Variants in SCAMP4 observed in about 807,000 individuals in gnomAD.
The protein encoded by SCAMP4 is secretory carrier membrane protein 4.
SCAMP4 carries 19 observed loss-of-function variants against 32.1 expected under a neutral mutation model. That is an observed-to-expected ratio of 0.59 (90% CI 0.41 to 0.87). The LOEUF is 0.87. Among genes scored for constraint, SCAMP4 ranks in the 40% least tolerant of loss-of-function variants. SCAMP4 has a pLI of 0.00. For synonymous variants in SCAMP4, 152 were observed against 132.7 expected, an observed-to-expected ratio of 1.15 and a Z score of -1.00; for missense variants, 302 against 309.0, an observed-to-expected ratio of 0.98 and a Z score of 0.17.
intron 1 of SCAMP4, among the ~76,000 whole-genome samples, chr19:1,914,353 C>G (rs956845267): frequency 3.3e-5 from 5 of 152,248 alleles, no homozygotes; most frequent in Admixed American, 3.3e-4. Context: ...GAGGCAGCTC[C>G]TGGCCCCGTG....
Position 1,908,479 on chromosome 19 carries a change from C to CCTGTCTG in SCAMP4, c.-42+3042_-42+3048dup, listed in dbSNP as rs1568760172. 2.1e-6 allele frequency: 1 copy of CCTGTCTG among 470,992 alleles called. No individual in the cohort carries two copies. Among genetic ancestry groups the CCTGTCTG allele is most frequent in the Non-Finnish European group, 4.4e-6 (1 of 227,000 alleles). The allele number at this position is 470,992 out of a possible 1,614,324, so 29.2% of individuals were successfully genotyped here. A position where few individuals can be genotyped will look rare whatever the true frequency, so the allele number is the denominator to read the frequency against. On this transcript the variant is annotated intron_variant, in intron 1 of 6. Transcript: ENST00000316097. The surrounding 1 kb of genome is among the most constrained non-coding windows in gnomAD (Gnocchi z 4.2). Reference sequence around the variant, plus strand: ...CTGCGAAATGATCCAGAGACACATCCCTGTCTGCGGGAGGAGCCGTCCATA... The same window carrying CCTGTCTG: ...CTGCGAAATGATCCAGAGACACATCCCTGTCTGCTGTCTGCGGGAGGAGCCGTCCATA...
rs549337751 is a variant in SCAMP4 at position 1,920,198 on chromosome 19, C to T, written c.395+1208C>T. The T allele has an allele frequency of 2.4e-5, 24 of 985,308 alleles. No individual in the cohort carries two copies. The African/African-American group carries it at 3.0e-4, about 12-fold the overall frequency. The allele number at this position is 985,308 out of a possible 1,614,324, so 61.0% of individuals were successfully genotyped here. On this transcript the variant is annotated intron_variant, in intron 5 of 6. Coordinates refer to ENST00000316097, the MANE Select transcript of SCAMP4 (RefSeq NM_079834.4). ...GAGTGACTGTTCTCGCCCACGTCCC[C>T]GACGTGTCTCCCTTGTCCTTGGCAC...
At chr19:1,915,115 G>A in intron 2 of SCAMP4, 89 bp downstream of exon 2, 1 of 1,520,550 alleles carries the variant, frequency 6.6e-7, no homozygotes, top group Non-Finnish European at 9.1e-7. Context: ...CCTGGCCGTT[G>A]GCAAACAGTG....
chr19:1,912,629 G>T lies in SCAMP4; in HGVS notation c.-41-2350G>T, dbSNP rs1401456236. On this transcript the variant is annotated intron_variant, in intron 1 of 6. Transcript: ENST00000316097. ...GCGCCGCCATGCAGAGCCACATGGA[G>T]CGGGCGGTGTGGGCGGCCCGGCGGG... 5.5e-6 allele frequency: 8 copies of T among 1,450,322 alleles called. No individual in the cohort carries two copies. Among genetic ancestry groups the T allele is most frequent in the Admixed American group, 5.6e-5 (2 of 35,744 alleles). The allele number at this position is 1,450,322 out of a possible 1,614,324, so 89.8% of individuals were successfully genotyped here.
At position 1,914,963 on chromosome 19, in the gene SCAMP4, G is replaced by A; in HGVS notation, c.-41-16G>A. On this transcript the variant is annotated splice_polypyrimidine_tract_variant and intron_variant, in intron 1 of 6. Transcript: ENST00000316097. ...GGCAGCTCAGGGTTCCCTGACTGTGGTTGTCTTCCTTCCAGGCGGCTGCAG... is the reference window on the plus strand; with the variant it reads ...GGCAGCTCAGGGTTCCCTGACTGTGATTGTCTTCCTTCCAGGCGGCTGCAG... 2 of 1,612,540 alleles carry A rather than the reference G, an allele frequency of 1.2e-6. No individual in the cohort carries two copies. Among genetic ancestry groups the A allele is most frequent in the Non-Finnish European group, 1.7e-6 (2 of 1,178,606 alleles).
intron 6 of SCAMP4, among the ~76,000 whole-genome samples, chr19:1,923,662 A>G (rs1041653366): frequency 8.7e-6 from 1 of 115,446 alleles, no homozygotes; most frequent in Non-Finnish European, 1.6e-5. Context: ...TCTGTCACCC[A>G]GGCTGGAGTG....
chr19:1,908,246 T>G lies in SCAMP4; in HGVS notation c.-42+2807T>G. On this transcript the variant is annotated intron_variant, in intron 1 of 6. Coordinates refer to ENST00000316097, the MANE Select transcript of SCAMP4 (RefSeq NM_079834.4). The surrounding 1 kb of genome is among the most constrained non-coding windows in gnomAD (Gnocchi z 4.2). ...GCAGCACCTGGCGCTGCCTCCGCGC[T>G]TCCTGCTCCCGGCTCCCACTGCATC... is the stretch of plus-strand genomic sequence containing the variant. 3.5e-6 allele frequency: 1 copy of G among 285,472 alleles called. No individual in the cohort carries two copies. The highest frequency in any genetic ancestry group is 7.0e-6 in the Non-Finnish European group (1 of 143,856). The allele number at this position is 285,472 out of a possible 1,614,324, so 17.7% of individuals were successfully genotyped here.
chr19:1,920,722 C>G (rs1434246162), intron 5 of SCAMP4: 5 of 985,452 alleles, frequency 5.1e-6, no homozygotes, highest in South Asian at 4.7e-5. Flanking sequence ...CAGCTCGGCT[C>G]CCACTGGCCC....
chr19:1,921,661 CCAAA>C (rs751557653), intron 5 of SCAMP4: 5 of 985,260 alleles, frequency 5.1e-6, no homozygotes, highest in Non-Finnish European at 6.0e-6. Flanking sequence ...AAAATTACAT[CCAAA>C]CAGAGGTTTA....
At chr19:1,910,452 GAC>G (rs2013382545) in intron 1 of SCAMP4, among the ~76,000 whole-genome samples, 1 of 152,110 alleles carries the variant, frequency 6.6e-6, no homozygotes, top group South Asian at 2.1e-4. Flanking sequence ...AGGGTGGTGA[GAC>G]AAGTTTTCTC....
At position 1,923,131 on chromosome 19, in the gene SCAMP4, C is replaced by T; in HGVS notation, c.457C>T (p.Leu153Phe). 7.7e-6 allele frequency: 12 copies of T among 1,553,336 alleles called. No individual in the cohort carries two copies. The highest frequency in any genetic ancestry group is 1.0e-5 in the Non-Finnish European group (12 of 1,148,032). ...CCCGGGCGCTGCCGTGGTCATGCTG[C>T]TTCCAGCCATCATGTTCTCCGTGTC... ...YSPGAAVVML[L>F]PAIMFSVSAA... Residue 153 changes from leucine (L) to phenylalanine (F), a missense_variant, in exon 6 of 7, where the codon CTT becomes TTT. By Grantham distance (22) the Leu-to-Phe change is conservative (BLOSUM62 0). Transcript: ENST00000316097.
Position 1,908,626 on chromosome 19 carries a change from G to A in SCAMP4, c.-42+3187G>A, listed in dbSNP as rs1243994776. ...AGTACTGTCTGCTAGAAATAACTGT[G>A]AGCACACAGGTAGTAAGGTTTTTAG... On this transcript the variant is annotated intron_variant, in intron 1 of 6. Coordinates refer to ENST00000316097, the MANE Select transcript of SCAMP4 (RefSeq NM_079834.4). The surrounding 1 kb of genome is among the most constrained non-coding windows in gnomAD (Gnocchi z 4.2). The A allele has an allele frequency of 4.3e-6, 2 of 468,942 alleles. No individual in the cohort carries two copies. Among genetic ancestry groups the A allele is most frequent in the African/African-American group, 2.0e-5 (1 of 50,008 alleles). 29.0% of individuals were successfully genotyped at this position (468,942 alleles called of 1,614,324 possible). A position where few individuals can be genotyped will look rare whatever the true frequency, so the allele number is the denominator to read the frequency against.
In SCAMP4 at chr19:1,912,799, G is replaced by T. The variant is rs1460839190; in HGVS notation, c.-41-2180G>T. On this transcript the variant is annotated intron_variant, in intron 1 of 6. Transcript: ENST00000316097. Reference sequence around the variant, plus strand: ...GTGTGCGTGGACCTCGTGGCGCGCGGCCAGGGCCGCGGCACCTACGACTTC... The same window carrying T: ...GTGTGCGTGGACCTCGTGGCGCGCGTCCAGGGCCGCGGCACCTACGACTTC... The T allele has an allele frequency of 3.2e-6, 5 of 1,575,804 alleles. No homozygotes were observed. The South Asian group carries it at 5.6e-5, about 18-fold the overall frequency.
At position 1,920,466 on chromosome 19, in the gene SCAMP4, C is replaced by G. The variant is rs529958800; in HGVS notation, c.395+1476C>G. 3.8e-4 allele frequency: 257 copies of G among 670,168 alleles called. 1 individual carries two copies. The highest frequency in any genetic ancestry group is 4.7e-4 in the Non-Finnish European group (253 of 542,188). 41.5% of individuals were successfully genotyped at this position (670,168 alleles called of 1,614,324 possible). A position where few individuals can be genotyped will look rare whatever the true frequency, so the allele number is the denominator to read the frequency against. Reference sequence around the variant, plus strand: ...CTGCACCTGCGCCTGGCGCCAGGCCCTCCAGGGTGGCTGGGATCTGTGGTT... The same window carrying G: ...CTGCACCTGCGCCTGGCGCCAGGCCGTCCAGGGTGGCTGGGATCTGTGGTT... On this transcript the variant is annotated intron_variant, in intron 5 of 6. Coordinates refer to ENST00000316097, the MANE Select transcript of SCAMP4 (RefSeq NM_079834.4).
intron 1 of SCAMP4, among the ~76,000 whole-genome samples, chr19:1,910,639 C>T (rs1222944317): frequency 6.7e-6 from 1 of 148,930 alleles, no homozygotes; most frequent in Admixed American, 6.7e-5. Flanking sequence ...TGCAGTGGCA[C>T]GATCTCGGCT....
chr19:1,918,092 G>T, intron 3 of SCAMP4, 35 bp from the exon 4 acceptor site: 1 of 1,586,454 alleles, frequency 6.3e-7, no homozygotes, highest in Middle Eastern at 1.7e-4. Flanking sequence ...ACACCCTCCC[G>T]TGCCTGCTCA....
intron 6 of SCAMP4, 41 bp from the exon 7 acceptor site, chr19:1,924,067 T>C: frequency 1.3e-6 from 2 of 1,565,354 alleles, no homozygotes; most frequent in Non-Finnish European, 1.7e-6. Flanking sequence ...GCCGCCATGC[T>C]CATTTTCTGT....
At chr19:1,906,187 C>G (rs2013103786) in intron 1 of SCAMP4, 1 of 151,880 alleles carries the variant, frequency 6.6e-6, no homozygotes, top group Admixed American at 6.6e-5. Context: ...TGGTGAAACT[C>G]CATCTCTGCC....
intron 1 of SCAMP4, chr19:1,912,324 C>G: frequency 1.9e-6 from 3 of 1,539,144 alleles, no homozygotes; most frequent in Non-Finnish European, 2.6e-6. Flanking sequence ...TCACCTCAAG[C>G]GGGTGCGGCC....
Sources: gnomAD v4.1 joint callset for allele counts (sites outside exome capture counted in the v4.1 genomes callset) on GRCh38, gnomAD v4.1.1 for gene constraint, Gnocchi (gnomAD v3.1) non-coding constraint, MANE v1.5 for transcripts, NCBI Gene and HGNC (gene_info 2026-07-23, HGNC 2026-07-21) for gene names.